PTPRD: variants seen among roughly 807,000 people sequenced by gnomAD.
The protein encoded by PTPRD is protein tyrosine phosphatase receptor type D, also known as receptor-type tyrosine-protein phosphatase delta.
Under a neutral mutation model 214.5 loss-of-function variants are expected in PTPRD, and 34 were observed. The observed-to-expected ratio is 0.16, with a 90% CI of 0.12 to 0.21. The LOEUF is 0.21. Among genes scored for constraint, PTPRD ranks in the 10% least tolerant of loss-of-function variants. The probability of loss-of-function intolerance (pLI) is 1.00; values close to 1 mark genes in which losing one functional copy is unlikely to be tolerated. For missense variants in PTPRD, 2,545 were observed against 2,398.7 expected, an observed-to-expected ratio of 1.06 and a Z score of -1.27; for synonymous variants, 1,128 against 845.7, an observed-to-expected ratio of 1.33 and a Z score of -5.79.
Position 9,276,827 on chromosome 9 carries a change from G to T in PTPRD, c.-202-93464C>A, listed in dbSNP as rs537815638. Among the ~76,000 whole-genome samples the T allele has an allele frequency of 4.6e-5, 7 of 151,362 alleles. No individual in the cohort carries two copies. In the South Asian group the frequency reaches 1.0e-3, roughly 22 times the overall value. On this transcript the variant is annotated intron_variant, in intron 9 of 45. Coordinates refer to ENST00000381196, the MANE Select transcript of PTPRD (RefSeq NM_002839.4). ...ATTCTATATTTCACTAACTATGTGG[G>T]GAAAGTCAATATTTTATTGCCATCA... is the stretch of plus-strand genomic sequence containing the variant.
At chr9:10,508,398 G>C (rs1472990211) in intron 2 of PTPRD, among the ~76,000 whole-genome samples, 4 of 152,126 alleles carry the variant, frequency 2.6e-5, no homozygotes, top group Non-Finnish European at 5.9e-5. Context: ...CGATTCCTCA[G>C]GGATCTAGAA....
intron 12 of PTPRD, among the ~76,000 whole-genome samples, chr9:8,682,222 G>A (rs1032175324): frequency 2.0e-5 from 3 of 152,136 alleles, no homozygotes; most frequent in Admixed American, 6.5e-5. Context: ...GTTTTTGCAC[G>A]AGAGAAGTCT....
chr9:9,765,426 A>T (rs1019962356), intron 6 of PTPRD, among the ~76,000 whole-genome samples: 11 of 152,168 alleles, frequency 7.2e-5, no homozygotes, highest in Non-Finnish European at 1.6e-4. Flanking sequence ...CAAACCAAGG[A>T]TGCCCAACTT....
intron 5 of PTPRD, among the ~76,000 whole-genome samples, chr9:9,784,650 C>G (rs975759395): frequency 1.3e-4 from 19 of 151,814 alleles, no homozygotes; most frequent in African/African-American, 4.4e-4. Context: ...CTGACTCACT[C>G]AAAGCAATTA....
rs919140762 is a variant in PTPRD at position 8,389,280 on chromosome 9, T to C, written c.4338A>G (p.Gln1446=). 1.2e-6 allele frequency: 2 copies of C among 1,612,966 alleles called. No individual in the cohort carries two copies. Among genetic ancestry groups the C allele is most frequent in the East Asian group, 2.2e-5 (1 of 44,824 alleles). ...FGDFWRMIWE[Q]RSATVVMMTK... ...TCATCATGACAACTGTGGCACTCCG[T>C]TGTTCCCATATCATTCTCCAAAAGT... The change falls in exon 37 of 46, where the codon CAA becomes CAG. Residue 1446 remains glutamine, a synonymous_variant. Transcript: ENST00000381196.
At chr9:8,558,283 CTTTATGTTT>C (rs1564332983) in intron 14 of PTPRD, among the ~76,000 whole-genome samples, 1 of 152,164 alleles carries the variant, frequency 6.6e-6, no homozygotes, top group Non-Finnish European at 1.5e-5. Flanking sequence ...ATCTTCTCTC[CTTTATGTTT>C]TTCATTCAGC....
chr9:9,180,077 C>T (rs2099927295), intron 10 of PTPRD, among the ~76,000 whole-genome samples: 1 of 151,936 alleles, frequency 6.6e-6, no homozygotes, highest in South Asian at 2.1e-4. Flanking sequence ...CACTGGATGA[C>T]CCAGCCATCC....
chr9:8,361,632 T>A (rs2078510104), intron 39 of PTPRD, among the ~76,000 whole-genome samples: 1 of 152,202 alleles, frequency 6.6e-6, no homozygotes, highest in Non-Finnish European at 1.5e-5. Flanking sequence ...AAATCTCAGA[T>A]GTTGAATGGC....
At position 8,518,356 on chromosome 9, in the gene PTPRD, A is replaced by G. The variant is rs199683413; in HGVS notation, c.1035T>C (p.Ser345=). 8.7e-6 allele frequency: 14 copies of G among 1,614,040 alleles called. No homozygotes were observed. Among genetic ancestry groups the G allele is most frequent in the Non-Finnish European group, 1.2e-5 (14 of 1,180,008 alleles). The change falls in exon 21 of 46, where the codon TCT becomes TCC. Residue 345 remains serine (S), a synonymous_variant. Transcript: ENST00000381196. The part of the protein sequence containing the change: ...TATSITLTWD[S]GNPEPVSYYI... The stretch of plus-strand genomic sequence containing the variant: ...AATAAGAAACAGGCTCAGGGTTCCC[A>G]GAGTCCCACGTCAGTGTGATGCTTG...
At chr9:9,585,932 G>A (rs1554651797) in intron 7 of PTPRD, among the ~76,000 whole-genome samples, 1 of 152,150 alleles carries the variant, frequency 6.6e-6, no homozygotes, top group Non-Finnish European at 1.5e-5. Context: ...ACCAGAAGTA[G>A]AGCAACCTAT....
chr9:8,954,133 T>A (rs1409709634), intron 11 of PTPRD, among the ~76,000 whole-genome samples: 1 of 151,890 alleles, frequency 6.6e-6, no homozygotes, highest in Non-Finnish European at 1.5e-5. Context: ...GAAAATGCAG[T>A]ACATATATAT....
At chr9:9,962,782 C>A (rs921375690) in intron 4 of PTPRD, among the ~76,000 whole-genome samples, 3 of 152,008 alleles carry the variant, frequency 2.0e-5, no homozygotes, top group Admixed American at 1.3e-4. Flanking sequence ...CATATTTATA[C>A]ATCTGACTTA....
chr9:8,812,253 G>C (rs1359702340), intron 11 of PTPRD, among the ~76,000 whole-genome samples: 1 of 152,120 alleles, frequency 6.6e-6, no homozygotes, highest in Non-Finnish European at 1.5e-5. Context: ...TATATGCACA[G>C]ATAGATGTAC....
chr9:9,038,213 G>A (rs1046357563), intron 10 of PTPRD, among the ~76,000 whole-genome samples: 1 of 152,084 alleles, frequency 6.6e-6, no homozygotes, highest in East Asian at 1.9e-4. Flanking sequence ...GGGTGAGCAG[G>A]TGGGGAGAAA....
intron 2 of PTPRD, among the ~76,000 whole-genome samples, chr9:10,526,711 C>T (rs1195520923): frequency 1.3e-5 from 2 of 152,048 alleles, no homozygotes; most frequent in Non-Finnish European, 2.9e-5. Context: ...AAAACAATTT[C>T]TTCCACCCAC....
At chr9:8,927,453 G>T (rs1396405883) in intron 11 of PTPRD, among the ~76,000 whole-genome samples, 1 of 152,110 alleles carries the variant, frequency 6.6e-6, no homozygotes, top group African/African-American at 2.4e-5. Flanking sequence ...GTGAGAACAT[G>T]TGGTGTTTGG....
chr9:8,331,021 C>T (rs1291243895), intron 44 of PTPRD, among the ~76,000 whole-genome samples: 2 of 149,528 alleles, frequency 1.3e-5, no homozygotes, highest in South Asian at 2.1e-4. Context: ...CTATTAACTT[C>T]AATGACTTGA....
intron 35 of PTPRD, among the ~76,000 whole-genome samples, chr9:8,405,660 A>G (rs1405367513): frequency 6.6e-6 from 1 of 152,178 alleles, no homozygotes; most frequent in African/African-American, 2.4e-5. Flanking sequence ...ATATGGAAAC[A>G]CAAGTTCATT....
intron 9 of PTPRD, among the ~76,000 whole-genome samples, chr9:9,384,107 T>C (rs10977698): frequency 0.24 from 35,657 of 150,644 alleles, 4,280 homozygotes; most frequent in Middle Eastern, 0.37. Flanking sequence ...TTAAAAACTT[T>C]TCACATACTT....
Sources: gnomAD v4.1 joint callset for allele counts (sites outside exome capture counted in the v4.1 genomes callset) on GRCh38, gnomAD v4.1.1 for gene constraint, MANE v1.5 for transcripts, NCBI Gene and HGNC (gene_info 2026-07-23, HGNC 2026-07-21) for gene names.